Variants in SMYD3 observed in about 807,000 individuals in gnomAD.
The protein encoded by SMYD3 is histone-lysine N-methyltransferase SMYD3.
A neutral mutation model predicts 57.7 loss-of-function variants in SMYD3; 36 were observed. The ratio of observed to expected loss-of-function variants is 0.62; its 90% confidence interval spans 0.48 to 0.82. The LOEUF (loss-of-function observed/expected upper bound fraction) is 0.82, where lower values mean the gene tolerates loss of function less well. Among genes scored for constraint, SMYD3 ranks in the 40% least tolerant of loss-of-function variants. The pLI is 0.00. For synonymous variants in SMYD3, 211 were observed against 195.0 expected (o/e 1.08, Z -0.68); for missense variants, 515 against 538.8 (o/e 0.96, Z 0.44).
At chr1:246,058,134 T>A (rs1030555916) in intron 5 of SMYD3, among the ~76,000 whole-genome samples, 1 of 152,182 alleles carries the variant, frequency 6.6e-6, no homozygotes, top group African/African-American at 2.4e-5. Context: ...CACCTCTGTA[T>A]AATGCCATAA....
chr1:245,892,272 T>A (rs2053435362), intron 8 of SMYD3, among the ~76,000 whole-genome samples: 10 of 152,188 alleles, frequency 6.6e-5, no homozygotes, highest in Admixed American at 6.5e-4. Context: ...AAATAGACTA[T>A]TTCCCCAGAT....
At chr1:246,071,441 G>A (rs143546169) in intron 5 of SMYD3, among the ~76,000 whole-genome samples, 640 of 152,230 alleles carry the variant, frequency 4.2e-3, no homozygotes, top group South Asian at 0.025. Context: ...TACATTATTT[G>A]TGCAATTAAA....
chr1:246,310,064 A>C (rs776596461), intron 5 of SMYD3, among the ~76,000 whole-genome samples: 3 of 152,204 alleles, frequency 2.0e-5, no homozygotes, highest in Non-Finnish European at 4.4e-5. Flanking sequence ...TATTATTTAT[A>C]AACATTATAA....
chr1:246,204,007 G>A (rs1413781347), intron 5 of SMYD3, among the ~76,000 whole-genome samples: 1 of 152,136 alleles, frequency 6.6e-6, no homozygotes, highest in African/African-American at 2.4e-5. Context: ...GAGTACCAGT[G>A]CCTGCTAAAG....
At chr1:246,475,416 G>A (rs1287362812) in intron 1 of SMYD3, among the ~76,000 whole-genome samples, 2 of 151,956 alleles carry the variant, frequency 1.3e-5, no homozygotes, top group African/African-American at 4.8e-5. Flanking sequence ...GCTGAGGTAG[G>A]TGGATCATTT....
chr1:245,914,728 C>T (rs1371465477), intron 8 of SMYD3, among the ~76,000 whole-genome samples: 1 of 152,014 alleles, frequency 6.6e-6, no homozygotes, highest in Admixed American at 6.6e-5. Flanking sequence ...ATTCTCAAAA[C>T]GCTAAAAGAG....
chr1:246,222,570 G>A (rs1250217244), intron 5 of SMYD3, among the ~76,000 whole-genome samples: 1 of 152,172 alleles, frequency 6.6e-6, no homozygotes, highest in African/African-American at 2.4e-5. Flanking sequence ...AAGAGCTCCT[G>A]TCATAGAGTA....
At chr1:246,008,414 G>C (rs61839427) in intron 5 of SMYD3, among the ~76,000 whole-genome samples, 1 of 152,170 alleles carries the variant, frequency 6.6e-6, no homozygotes, top group Non-Finnish European at 1.5e-5. Flanking sequence ...CCTCTCAGCC[G>C]AGGACTGGCT....
At chr1:246,018,991 A>C (rs7548507) in intron 5 of SMYD3, among the ~76,000 whole-genome samples, 57,811 of 151,974 alleles carry the variant, frequency 0.38, 13,101 homozygotes, top group African/African-American at 0.63. Context: ...TTGATATCTT[A>C]TTTGGTTCTT....
chr1:246,250,289 A>G (rs10924623), intron 5 of SMYD3, among the ~76,000 whole-genome samples: 31,579 of 152,174 alleles, frequency 0.21, 3,995 homozygotes, highest in East Asian at 0.58. Flanking sequence ...AAACTCAGTT[A>G]TCATGGAATA....
At chr1:245,853,175 T>C (rs1934578) in intron 10 of SMYD3, among the ~76,000 whole-genome samples, 143,910 of 152,270 alleles carry the variant, frequency 0.95, 68,229 homozygotes, top group Non-Finnish European at 0.99. Context: ...GTTCAGATAG[T>C]TATTTCTTCT....
chr1:246,050,896 A>G (rs2060055255), intron 5 of SMYD3, among the ~76,000 whole-genome samples: 1 of 152,162 alleles, frequency 6.6e-6, no homozygotes, highest in African/African-American at 2.4e-5. Flanking sequence ...ACAATTCAGG[A>G]TTGCTTGGGA....
rs181264849 is a variant in SMYD3 at position 246,351,080 on chromosome 1, T to C, written c.228+3951A>G. On this transcript the variant is annotated intron_variant, in intron 2 of 11. Coordinates refer to ENST00000490107, the MANE Select transcript of SMYD3 (RefSeq NM_001167740.2). ...TCACTCTGTTAAGTGCTTACTAATGTGGGATTAATTTTCTACCCATCGAAT... is the reference window on the plus strand; with the variant it reads ...TCACTCTGTTAAGTGCTTACTAATGCGGGATTAATTTTCTACCCATCGAAT... 7.2e-5 allele frequency among the ~76,000 whole-genome samples: 11 copies of C among 152,338 alleles called. No individual in the cohort carries two copies. In the East Asian group the frequency reaches 7.7e-4, roughly 11 times the overall value.
At chr1:246,427,801 C>G (rs2067243476) in intron 1 of SMYD3, among the ~76,000 whole-genome samples, 1 of 152,060 alleles carries the variant, frequency 6.6e-6, no homozygotes, top group Non-Finnish European at 1.5e-5. Flanking sequence ...CTGCGATGAG[C>G]CATGACTGTG....
At chr1:245,842,136 T>C (rs4654133) in intron 10 of SMYD3, among the ~76,000 whole-genome samples, 26,564 of 152,106 alleles carry the variant, frequency 0.17, 2,397 homozygotes, top group Non-Finnish European at 0.19. Flanking sequence ...TTCATGACGA[T>C]TGCGTGACAA....
At chr1:245,921,200 G>A (rs1216551726) in intron 7 of SMYD3, among the ~76,000 whole-genome samples, 1 of 152,158 alleles carries the variant, frequency 6.6e-6, no homozygotes, top group African/African-American at 2.4e-5. Flanking sequence ...TCACTAATCA[G>A]AGAAATGCAA....
intron 5 of SMYD3, among the ~76,000 whole-genome samples, chr1:246,019,741 A>G (rs2059437123): frequency 6.6e-6 from 1 of 152,184 alleles, no homozygotes; most frequent in Admixed American, 6.5e-5. Context: ...CAAATCCTAT[A>G]AGGCCAGTAC....
intron 5 of SMYD3, among the ~76,000 whole-genome samples, chr1:245,981,385 G>T (rs1157961646): frequency 2.0e-5 from 3 of 152,158 alleles, no homozygotes; most frequent in Admixed American, 1.3e-4. Context: ...CAGACAACCA[G>T]GACATCTTCA....
At chr1:246,251,220 G>C (rs889900039) in intron 5 of SMYD3, among the ~76,000 whole-genome samples, 3 of 152,188 alleles carry the variant, frequency 2.0e-5, no homozygotes, top group Admixed American at 2.0e-4. Context: ...TGTTAGGACA[G>C]TATAAAAAGG....
Sources: allele counts gnomAD v4.1 joint callset (sites outside exome capture counted in the v4.1 genomes callset), GRCh38; gene constraint gnomAD v4.1.1; transcripts MANE v1.5; gene names NCBI Gene and HGNC (gene_info 2026-07-23, HGNC 2026-07-21).